Variants in PLA2G12B observed in about 807,000 individuals in gnomAD.
PLA2G12B encodes phospholipase A2 group XIIB.
In PLA2G12B, 19 loss-of-function variants were observed where a neutral mutation model predicts 22.3. The observed-to-expected ratio is 0.85, with a 90% confidence interval of 0.60 to 1.25. The LOEUF (loss-of-function observed/expected upper bound fraction) is 1.25, where lower values mean the gene tolerates loss of function less well. Among genes scored for constraint, PLA2G12B ranks in the 50% most tolerant of loss-of-function variants. The probability of loss-of-function intolerance (pLI) is 0.00; values close to 1 mark genes in which losing one functional copy is unlikely to be tolerated. For missense variants in PLA2G12B, 191 were observed against 246.6 expected, an observed-to-expected ratio of 0.77 and a Z score of 1.51; for synonymous variants, 81 against 94.9, an observed-to-expected ratio of 0.85 and a Z score of 0.85.
chr10:72,937,943 G>T (rs930070094), intron 3 of PLA2G12B, among the ~76,000 whole-genome samples: 2 of 151,712 alleles, frequency 1.3e-5, no homozygotes, highest in African/African-American at 4.8e-5. Context: ...GCGAAACCCC[G>T]TCTCTACTAA....
intron 1 of PLA2G12B, among the ~76,000 whole-genome samples, chr10:72,944,003 TCTTTCTTCCTTCCTTCCTTTCTTC>T (rs1292574617): frequency 6.6e-6 from 1 of 151,714 alleles, no homozygotes; most frequent in Admixed American, 6.6e-5. Flanking sequence ...TCTTTCTTTT[TCTTTCTTCCTTCCTTCCTTTCTTC>T]CTTTCTTCCT....
intron 3 of PLA2G12B, 128 bp from the exon 4 acceptor site, chr10:72,935,866 T>A (rs1007206316): frequency 1.2e-5 from 15 of 1,264,338 alleles, no homozygotes; most frequent in Non-Finnish European, 1.6e-5. Context: ...AGGAAGAGCA[T>A]CCATTTCAGA....
At chr10:72,950,004 AAAAG>A (rs1038479310) in intron 1 of PLA2G12B, among the ~76,000 whole-genome samples, 3 of 152,276 alleles carry the variant, frequency 2.0e-5, no homozygotes, top group East Asian at 3.9e-4. Context: ...AGAAAAAAAA[AAAAG>A]AAAGAAAGGT....
chr10:72,941,457 C>T (rs1304755525), intron 2 of PLA2G12B, 123 bp from the exon 3 acceptor site: 12 of 917,962 alleles, frequency 1.3e-5, no homozygotes, highest in South Asian at 6.6e-5. Context: ...TTGCATATCC[C>T]GATCAATTCA....
Position 72,934,955 on chromosome 10 carries a change from G to A in PLA2G12B, c.*662C>T, listed in dbSNP as rs1846258742. ...AGTAACTGGGAATACCAATGGGGTA[G>A]GTCACCGGAGGGAAAAATGAATCCT... is the stretch of plus-strand genomic sequence containing the variant. On this transcript the variant is annotated 3_prime_UTR_variant, in exon 4 of 4. Coordinates refer to ENST00000373032, the MANE Select transcript of PLA2G12B (RefSeq NM_032562.5). 6.6e-6 allele frequency among the ~76,000 whole-genome samples: 1 copy of A among 152,266 alleles called. No individual in the cohort carries two copies. The highest frequency in any genetic ancestry group is 2.1e-4 in the South Asian group (1 of 4,826).
At chr10:72,947,640 C>A (rs1846464114) in intron 1 of PLA2G12B, among the ~76,000 whole-genome samples, 1 of 152,202 alleles carries the variant, frequency 6.6e-6, no homozygotes, top group Non-Finnish European at 1.5e-5. Context: ...TCACTTTTAT[C>A]TAGCTCAAAA....
intron 3 of PLA2G12B, 47 bp downstream of exon 3, chr10:72,941,122 C>A: frequency 6.4e-7 from 1 of 1,555,596 alleles, no homozygotes; most frequent in Non-Finnish European, 8.8e-7. Flanking sequence ...GGTGTGAAAA[C>A]AGGAACAAAC....
At chr10:72,936,575 G>A (rs952867859) in intron 3 of PLA2G12B, among the ~76,000 whole-genome samples, 1 of 152,122 alleles carries the variant, frequency 6.6e-6, no homozygotes, top group Non-Finnish European at 1.5e-5. Context: ...GAGTAAAATA[G>A]TGGTTGTCTA....
intron 1 of PLA2G12B, among the ~76,000 whole-genome samples, chr10:72,952,498 C>T (rs1846548147): frequency 6.6e-6 from 1 of 152,226 alleles, no homozygotes; most frequent in Admixed American, 6.5e-5. Context: ...CTTCAATTCA[C>T]AGGTGAGTTT....
intron 2 of PLA2G12B, 69 bp downstream of exon 2, chr10:72,942,583 C>G (rs987260772): frequency 1.6e-6 from 2 of 1,256,494 alleles, no homozygotes; most frequent in Non-Finnish European, 2.2e-6. Flanking sequence ...TCACTTCCAT[C>G]AAGGATAACT....
At chr10:72,940,855 A>G (rs1846348926) in intron 3 of PLA2G12B, among the ~76,000 whole-genome samples, 1 of 151,932 alleles carries the variant, frequency 6.6e-6, no homozygotes, top group South Asian at 2.1e-4. Flanking sequence ...TTAACAGTGG[A>G]ATGGATAATC....
At chr10:72,938,068 C>G (rs1465960826) in intron 3 of PLA2G12B, among the ~76,000 whole-genome samples, 3 of 147,664 alleles carry the variant, frequency 2.0e-5, no homozygotes, top group African/African-American at 5.0e-5. Flanking sequence ...GAGCCAAGAT[C>G]ACACCACTTC....
At chr10:72,950,965 TG>T (rs1463268674) in intron 1 of PLA2G12B, among the ~76,000 whole-genome samples, 1 of 152,196 alleles carries the variant, frequency 6.6e-6, no homozygotes, top group Non-Finnish European at 1.5e-5. Context: ...GCTGAGAGGC[TG>T]TTGTCCAGCC....
At chr10:72,945,868 G>A (rs532246834) in intron 1 of PLA2G12B, among the ~76,000 whole-genome samples, 4 of 152,140 alleles carry the variant, frequency 2.6e-5, no homozygotes, top group South Asian at 4.2e-4. Flanking sequence ...GGCTGGTCTC[G>A]AACTCCTGGC....
At chr10:72,947,816 G>A (rs528452316) in intron 1 of PLA2G12B, among the ~76,000 whole-genome samples, 1 of 152,188 alleles carries the variant, frequency 6.6e-6, no homozygotes, top group African/African-American at 2.4e-5. Flanking sequence ...CAGGGTGCCA[G>A]TGCATTCTGT....
intron 3 of PLA2G12B, among the ~76,000 whole-genome samples, chr10:72,939,414 T>C (rs1846325626): frequency 1.3e-5 from 2 of 151,890 alleles, no homozygotes; most frequent in Admixed American, 6.6e-5. Flanking sequence ...AAATCAAATA[T>C]TCTGTGATAA....
chr10:72,951,163 G>A (rs1449401572), intron 1 of PLA2G12B, among the ~76,000 whole-genome samples: 4 of 152,106 alleles, frequency 2.6e-5, no homozygotes, highest in Admixed American at 2.6e-4. Flanking sequence ...ACCTTTGCAA[G>A]GTGGGTATTA....
chr10:72,951,777 A>G (rs1846535438), intron 1 of PLA2G12B, among the ~76,000 whole-genome samples: 1 of 152,242 alleles, frequency 6.6e-6, no homozygotes, highest in African/African-American at 2.4e-5. Context: ...CTCCTTAATA[A>G]CAGTTGTGCT....
At chr10:72,936,825 G>A (rs1026577057) in intron 3 of PLA2G12B, among the ~76,000 whole-genome samples, 1 of 152,014 alleles carries the variant, frequency 6.6e-6, no homozygotes, top group Non-Finnish European at 1.5e-5. Flanking sequence ...CTTTTAGCTA[G>A]ACTAACCAAG....
Sources: gnomAD v4.1 joint callset for allele counts (sites outside exome capture counted in the v4.1 genomes callset) on GRCh38, gnomAD v4.1.1 for gene constraint, MANE v1.5 for transcripts, NCBI Gene and HGNC (gene_info 2026-07-23, HGNC 2026-07-21) for gene names.